WNT5B: variants seen among roughly 807,000 people sequenced by gnomAD.
WNT5B encodes Wnt family member 5B.
Under a neutral mutation model 36.5 loss-of-function variants are expected in WNT5B, and 18 were observed. The observed-to-expected ratio is 0.49, with a 90% CI of 0.34 to 0.73. WNT5B has a LOEUF of 0.73. Among genes scored for constraint, WNT5B ranks in the 30% least tolerant of loss-of-function variants. WNT5B has a pLI of 0.01. For synonymous variants in WNT5B, 213 were observed against 212.3 expected (o/e 1.00, Z -0.03); for missense variants, 424 against 508.4 (o/e 0.83, Z 1.60).
upstream of WNT5B, among the ~76,000 whole-genome samples, chr12:1,628,200 G>C (rs1019814587): frequency 6.6e-6 from 1 of 150,520 alleles, no homozygotes; most frequent in African/African-American, 2.4e-5. Flanking sequence ...TCTGTCACCC[G>C]GCTGGAGTGC....
rs371840098 is a variant in WNT5B at position 1,646,261 on chromosome 12, G to T, written c.*9G>T. 6.3e-7 allele frequency: 1 copy of T among 1,599,134 alleles called. No homozygotes were observed. Among genetic ancestry groups the T allele is most frequent in the African/African-American group, 1.3e-5 (1 of 74,656 alleles). The stretch of plus-strand genomic sequence containing the variant: ...AGTACATCTGTAAATAGCCCGGAGG[G>T]CCTGCTCCCGGCCCCCCTGCACTCT... On this transcript the variant is annotated 3_prime_UTR_variant, in exon 5 of 5. Coordinates refer to ENST00000397196, the MANE Select transcript of WNT5B (RefSeq NM_032642.3).
upstream of WNT5B, among the ~76,000 whole-genome samples, chr12:1,625,002 T>G (rs1046412276): frequency 2.0e-5 from 3 of 152,050 alleles, no homozygotes; most frequent in Non-Finnish European, 4.4e-5. Flanking sequence ...GAAAGTAGTT[T>G]AATATCTGGA....
intron 3 of WNT5B, among the ~76,000 whole-genome samples, chr12:1,637,215 G>A (rs573159173): frequency 1.3e-5 from 2 of 152,162 alleles, no homozygotes; most frequent in East Asian, 3.9e-4. Context: ...CCATTTATCC[G>A]CTGATGGATA....
intron 1 of WNT5B, chr12:1,629,993 C>G: frequency 5.0e-6 from 2 of 400,340 alleles, no homozygotes; most frequent in Non-Finnish European, 6.8e-6. Context: ...CTGTTGGTGC[C>G]CCCGCCCCAG....
Position 1,630,393 on chromosome 12 carries a change from G to A in WNT5B, c.-57-905G>A, listed in dbSNP as rs2094548245. 6.6e-6 allele frequency among the ~76,000 whole-genome samples: 1 copy of A among 152,150 alleles called. No individual in the cohort carries two copies. The highest frequency in any genetic ancestry group is 1.5e-5 in the Non-Finnish European group (1 of 68,012). ...CCTGGGGACAGGGGCTCTCGGGGGC[G>A]GATAGAGGAACAGGCGTGGGTTACA... On this transcript the variant is annotated intron_variant, in intron 1 of 4. Coordinates refer to ENST00000397196, the MANE Select transcript of WNT5B (RefSeq NM_032642.3). This position sits in a 1 kb window ranked among gnomAD's most constrained non-coding sequence, Gnocchi z 5.3.
At chr12:1,640,105 T>G in intron 4 of WNT5B, 129 bp downstream of exon 4, 1 of 1,132,748 alleles carries the variant, frequency 8.8e-7, no homozygotes, top group Non-Finnish European at 1.2e-6. Context: ...TACCTACGAT[T>G]GCAAATTTAC....
chr12:1,623,186 TG>T (rs140115871), intron 1 of WNT5B, among the ~76,000 whole-genome samples: 7 of 129,980 alleles, frequency 5.4e-5, no homozygotes, highest in African/African-American at 2.2e-4. Flanking sequence ...GGTTTTTTGT[TG>T]TTTTTTTTTT....
At chr12:1,623,184 G>GTTTTTTTTT (rs1555156800) in intron 1 of WNT5B, among the ~76,000 whole-genome samples, 1 of 53,510 alleles carries the variant, frequency 1.9e-5, no homozygotes, top group Non-Finnish European at 4.2e-5. Flanking sequence ...AGGGTTTTTT[G>GTTTTTTTTT]TTGTTTTTTT....
Position 1,646,058 on chromosome 12 carries a change from T to C in WNT5B, c.886T>C (p.Ser296Pro). The change falls in exon 5 of 5, where the codon TCC becomes CCC. Residue 296 changes from serine (S) to proline (P), a missense_variant. By Grantham distance (74) the Ser-to-Pro change is moderately conservative. Transcript: ENST00000397196. The part of the protein sequence containing the change: ...DYCLRNESTG[S>P]LGTQGRLCNK... ...CTGCCTGCGCAACGAGAGCACGGGC[T>C]CCCTGGGCACGCAGGGCCGCCTCTG... is the stretch of plus-strand genomic sequence containing the variant. 1.2e-6 allele frequency: 2 copies of C among 1,613,608 alleles called. No homozygotes were observed. The highest frequency in any genetic ancestry group is 1.3e-5 in the African/African-American group (1 of 75,062).
rs568828133 is a variant in WNT5B, at chr12:1,636,928, G to C, written c.329-2756G>C. Reference sequence around the variant, plus strand: ...TCACCATGTTGGCCAAGCGGGTCTCGAACTCCTGACCTCATGTGATCCATG... The same window carrying C: ...TCACCATGTTGGCCAAGCGGGTCTCCAACTCCTGACCTCATGTGATCCATG... On this transcript the variant is annotated intron_variant, in intron 3 of 4. Coordinates refer to ENST00000397196, the MANE Select transcript of WNT5B (RefSeq NM_032642.3). Among the ~76,000 whole-genome samples the C allele has an allele frequency of 2.6e-5, 4 of 152,030 alleles. No homozygotes were observed. In the South Asian group the frequency reaches 6.2e-4, roughly 24 times the overall value.
chr12:1,639,644 G>A, intron 3 of WNT5B, 40 bp from the exon 4 acceptor site: 1 of 1,457,502 alleles, frequency 6.9e-7, no homozygotes, highest in South Asian at 1.4e-5. Context: ...CCCCGGGAGA[G>A]GAGAGCGCAC....
At position 1,631,380 on chromosome 12, in the gene WNT5B, C is replaced by T. The variant is rs2094550500; in HGVS notation, c.26C>T (p.Thr9Met). The change falls in exon 2 of 5, where the codon ACG (threonine) becomes ATG (methionine). Residue 9 changes from threonine (T) to methionine (M), a missense_variant. Thr to Met is a moderately conservative substitution (Grantham distance 81). Transcript: ENST00000397196. ...ATGCCCAGCCTGCTGCTGCTGTTCA[C>T]GGCTGCTCTGCTGTCCAGCTGGGCT... The part of the protein sequence containing the change: MPSLLLLF[T>M]AALLSSWAQL... 6.2e-6 allele frequency: 10 copies of T among 1,614,144 alleles called. No individual in the cohort carries two copies. Among genetic ancestry groups the T allele is most frequent in the Non-Finnish European group, 7.6e-6 (9 of 1,180,018 alleles).
At chr12:1,628,947 G>A (rs1439853202), upstream of WNT5B, among the ~76,000 whole-genome samples, 1 of 151,980 alleles carries the variant, frequency 6.6e-6, no homozygotes, top group East Asian at 1.9e-4. Flanking sequence ...ACGCGCGCGT[G>A]CATATGTGTG....
rs2094547694 is a variant in WNT5B at position 1,630,200 on chromosome 12, C to T, written c.-58+829C>T. On this transcript the variant is annotated intron_variant, in intron 1 of 4. Coordinates refer to ENST00000397196, the MANE Select transcript of WNT5B (RefSeq NM_032642.3). The surrounding 1 kb of genome is among the most constrained non-coding windows in gnomAD (Gnocchi z 5.3). The stretch of plus-strand genomic sequence containing the variant: ...GACGCGCGAGAGTGGCGCAGTGAGC[C>T]GGGGCGCGCGGGGCTGCGCTCGTCA... 11 of 985,326 alleles carry T rather than the reference C, an allele frequency of 1.1e-5. No homozygotes were observed. In the South Asian group the frequency reaches 4.7e-4, roughly 42 times the overall value. The allele number at this position is 985,326 out of a possible 1,614,324, so 61.0% of individuals were successfully genotyped here.
intron 1 of WNT5B, among the ~76,000 whole-genome samples, chr12:1,623,183 TG>T (rs150305456): frequency 7.5e-5 from 10 of 132,592 alleles, no homozygotes; most frequent in African/African-American, 3.1e-4. Flanking sequence ...AAGGGTTTTT[TG>T]TTGTTTTTTT....
chr12:1,621,874 A>G (rs1235804606), intron 1 of WNT5B, among the ~76,000 whole-genome samples: 2 of 152,214 alleles, frequency 1.3e-5, no homozygotes, highest in African/African-American at 4.8e-5. Context: ...GACTACATAA[A>G]TTTCACGAAC....
upstream of WNT5B, among the ~76,000 whole-genome samples, chr12:1,628,374 TCTCGAA>T (rs1170773759): frequency 6.6e-6 from 1 of 152,146 alleles, no homozygotes; most frequent in Admixed American, 6.5e-5. Flanking sequence ...GCCGGGCTGG[TCTCGAA>T]CTCCTGACCT....
upstream of WNT5B, among the ~76,000 whole-genome samples, chr12:1,628,721 A>G (rs993924105): frequency 1.3e-4 from 20 of 152,162 alleles, no homozygotes; most frequent in Admixed American, 1.2e-3. Context: ...AGAAATTTCC[A>G]TTCTGCCCAT....
chr12:1,647,086 C>G lies in WNT5B; in HGVS notation c.*834C>G, dbSNP rs935268443. 6.6e-6 allele frequency: 1 copy of G among 152,354 alleles called. No homozygotes were observed. Among genetic ancestry groups the G allele is most frequent in the African/African-American group, 2.4e-5 (1 of 41,442 alleles). The allele number at this position is 152,354 out of a possible 1,614,324, so 9.4% of individuals were successfully genotyped here. On this transcript the variant is annotated 3_prime_UTR_variant, in exon 5 of 5. Coordinates refer to ENST00000397196, the MANE Select transcript of WNT5B (RefSeq NM_032642.3). ...GGGGAAGCTTGAGCTGCTGCTGTCACTCCTCCACCGAGGGAGGCCTCACAA... is the reference window on the plus strand; with the variant it reads ...GGGGAAGCTTGAGCTGCTGCTGTCAGTCCTCCACCGAGGGAGGCCTCACAA...
Sources: gnomAD v4.1 joint callset for allele counts (sites outside exome capture counted in the v4.1 genomes callset) on GRCh38, gnomAD v4.1.1 for gene constraint, Gnocchi (gnomAD v3.1) non-coding constraint, MANE v1.5 for transcripts, NCBI Gene and HGNC (gene_info 2026-07-23, HGNC 2026-07-21) for gene names.